The following PCM1 variants were observed in gnomAD, a reference collection of about 807,000 sequenced individuals.
PCM1 encodes pericentriolar material 1, also known as pericentriolar material 1 protein.
Under a neutral mutation model 241.9 loss-of-function variants are expected in PCM1, and 157 were observed. The ratio of observed to expected loss-of-function variants is 0.65; its 90% CI spans 0.57 to 0.74. The LOEUF (loss-of-function observed/expected upper bound fraction) is 0.74, where lower values mean the gene tolerates loss of function less well. Ranked by LOEUF, PCM1 falls within the 30% of genes least tolerant of loss-of-function variation. PCM1 has a pLI of 0.00. For missense variants in PCM1, 3,478 were observed against 2,360.1 expected (o/e 1.47, Z -9.81); for synonymous variants, 1,085 against 784.9 (o/e 1.38, Z -6.39).
At position 18,014,681 on chromosome 8, in the gene PCM1, T is replaced by C; in HGVS notation, c.5682T>C (p.Thr1894=). 6.2e-7 allele frequency: 1 copy of C among 1,613,886 alleles called. No individual in the cohort carries two copies. The highest frequency in any genetic ancestry group is 8.5e-7 in the Non-Finnish European group (1 of 1,179,862). The change falls in exon 36 of 39, where the codon ACT becomes ACC. Residue 1894 remains threonine (T), a synonymous_variant. Transcript: ENST00000325083. ...CTGCCCATAAGGAGTCACCTCCTAC[T>C]GTTGATTCAACTCAACAGCCTAACC... ...NSAAHKESPP[T]VDSTQQPNPL...
intron 6 of PCM1, chr8:17,940,292 GCTGTATGTGTTCTT>G: frequency 1.8e-6 from 1 of 556,574 alleles, no homozygotes; most frequent in South Asian, 2.5e-5. Flanking sequence ...AATTGTTAAT[GCTGTATGTGTTCTT>G]CTGTATTTAA....
intron 23 of PCM1, among the ~76,000 whole-genome samples, chr8:17,973,598 A>G (rs2077601366): frequency 6.6e-6 from 1 of 151,952 alleles, no homozygotes; most frequent in African/African-American, 2.4e-5. Context: ...CGTGCCTGTA[A>G]TCCAGCTACT....
chr8:17,936,011 G>C (rs796526728), intron 3 of PCM1, among the ~76,000 whole-genome samples: 1 of 152,106 alleles, frequency 6.6e-6, no homozygotes, highest in Non-Finnish European at 1.5e-5. Context: ...CAAGAATTAC[G>C]TTTTCACCAC....
chr8:18,015,171 A>C (rs891311836), intron 36 of PCM1, among the ~76,000 whole-genome samples: 1 of 152,116 alleles, frequency 6.6e-6, no homozygotes, highest in African/African-American at 2.4e-5. Flanking sequence ...ATATATTGCA[A>C]ATTTTCAATA....
Position 18,006,400 on chromosome 8 carries a change from A to G in PCM1, c.4962+3A>G, listed in dbSNP as rs770866474. ...AACAACTTGGAAGTATATTACAGGT[A>G]AGAGTTTATACTTGTATGATTTACC... On this transcript the variant is annotated splice_donor_region_variant and intron_variant, in intron 30 of 38. Transcript: ENST00000325083. 100 of 1,598,180 alleles carry G rather than the reference A, an allele frequency of 6.3e-5. 1 individual carries two copies. Among genetic ancestry groups the G allele is most frequent in the South Asian group, 1.4e-4 (13 of 90,698 alleles).
chr8:18,027,728 A>G lies in PCM1; in HGVS notation c.*66A>G, dbSNP rs1300128285. 1.8e-6 allele frequency: 2 copies of G among 1,134,886 alleles called. No individual in the cohort carries two copies. Among genetic ancestry groups the G allele is most frequent in the African/African-American group, 1.5e-5 (1 of 65,640 alleles). 70.3% of individuals were successfully genotyped at this position (1,134,886 alleles called of 1,614,324 possible). On this transcript the variant is annotated 3_prime_UTR_variant, in exon 39 of 39. Transcript: ENST00000325083. ...CAATGCATATATGAAAACAATACTA[A>G]ATAAACATCTGATCTGTATAAAAAT...
intron 2 of PCM1, chr8:17,926,976 G>C (rs1487453548): frequency 6.6e-6 from 1 of 152,174 alleles, no homozygotes; most frequent in Non-Finnish European, 1.5e-5. Context: ...TTTAGTTCAT[G>C]CAAGCAGGGA....
At chr8:18,027,616 C>T in intron 38 of PCM1, 21 bp from the exon 39 acceptor site, 2 of 1,548,846 alleles carry the variant, frequency 1.3e-6, no homozygotes, top group South Asian at 1.2e-5. Flanking sequence ...ATTTATAAAG[C>T]ATTTTTATTC....
At chr8:17,958,071 G>C (rs2069527870) in intron 13 of PCM1, among the ~76,000 whole-genome samples, 1 of 152,078 alleles carries the variant, frequency 6.6e-6, no homozygotes, top group Non-Finnish European at 1.5e-5. Flanking sequence ...TGCCAATATA[G>C]CTTTATTTTA....
chr8:18,018,875 T>TATATATATATAC (rs1564427921), intron 36 of PCM1, among the ~76,000 whole-genome samples: 2 of 48,480 alleles, frequency 4.1e-5, no homozygotes, highest in Non-Finnish European at 1.1e-4. Context: ...TATATATATA[T>TATATATATATAC]ATATACACAC....
At chr8:18,010,220 A>T (rs1426279349) in intron 31 of PCM1, among the ~76,000 whole-genome samples, 2 of 152,108 alleles carry the variant, frequency 1.3e-5, no homozygotes, top group African/African-American at 4.8e-5. Flanking sequence ...CACAGGTGAG[A>T]TTGGATGACT....
At chr8:18,022,380 G>T (rs1450256897) in intron 36 of PCM1, among the ~76,000 whole-genome samples, 1 of 152,128 alleles carries the variant, frequency 6.6e-6, no homozygotes, top group East Asian at 1.9e-4. Flanking sequence ...ATCCTCTAAG[G>T]TCTGATGTTC....
At position 17,957,800 on chromosome 8, in the gene PCM1, A is replaced by C. The variant is rs747608386; in HGVS notation, c.2040+25A>C. On this transcript the variant is annotated intron_variant, in intron 13 of 38. Transcript: ENST00000325083. Reference sequence around the variant, plus strand: ...GGTAAATATTGCTTGGTCTTTTAAAAACCTATTTGTCAAATAGTACAGTCT... The same window carrying C: ...GGTAAATATTGCTTGGTCTTTTAAACACCTATTTGTCAAATAGTACAGTCT... 6.0e-6 allele frequency: 9 copies of C among 1,502,240 alleles called. No homozygotes were observed. The African/African-American group carries it at 1.2e-4, about 21-fold the overall frequency. The allele number at this position is 1,502,240 out of a possible 1,614,324, so 93.1% of individuals were successfully genotyped here.
At position 17,964,420 on chromosome 8, in the gene PCM1, C is replaced by A. The variant is rs574687920; in HGVS notation, c.2655-148C>A. The stretch of plus-strand genomic sequence containing the variant: ...GTATATAACAGCAATAGGGAGAGTG[C>A]CACCCGTAGCATAGTTATTGTGATT... On this transcript the variant is annotated intron_variant, in intron 17 of 38. Coordinates refer to ENST00000325083, the MANE Select transcript of PCM1 (RefSeq NM_006197.4). 46 of 578,350 alleles carry A rather than the reference C, an allele frequency of 8.0e-5. 2 individuals carry two copies. The South Asian group carries it at 8.2e-4, about 10-fold the overall frequency. 35.8% of individuals were successfully genotyped at this position (578,350 alleles called of 1,614,324 possible). A position where few individuals can be genotyped will look rare whatever the true frequency, so the allele number is the denominator to read the frequency against.
intron 17 of PCM1, 106 bp from the exon 18 acceptor site, chr8:17,964,462 A>G (rs2074013721): frequency 1.3e-6 from 1 of 758,818 alleles, no homozygotes; most frequent in Non-Finnish European, 2.1e-6. Flanking sequence ...AATTTTATAT[A>G]CAGACATGTA....
chr8:17,982,624 A>T (rs1359128501), intron 24 of PCM1: 1 of 152,180 alleles, frequency 6.6e-6, no homozygotes, highest in African/African-American at 2.4e-5. Context: ...CCCACTGAGT[A>T]GCTGGGACTA....
intron 22 of PCM1, among the ~76,000 whole-genome samples, chr8:17,969,992 G>A (rs1213396424): frequency 6.6e-6 from 1 of 152,090 alleles, no homozygotes; most frequent in African/African-American, 2.4e-5. Context: ...TCTCTAATTT[G>A]ATACCTGTCT....
chr8:17,953,422 A>AT (rs1413299018), intron 9 of PCM1, among the ~76,000 whole-genome samples: 5 of 152,194 alleles, frequency 3.3e-5, no homozygotes, highest in Non-Finnish European at 2.9e-5. Flanking sequence ...ACCTTGAAAA[A>AT]TTAGTAGGAT....
At chr8:17,971,131 T>G (rs2076715472) in intron 22 of PCM1, among the ~76,000 whole-genome samples, 1 of 152,240 alleles carries the variant, frequency 6.6e-6, no homozygotes, top group Non-Finnish European at 1.5e-5. Context: ...TCATATAATT[T>G]TCATTTGTCA....
Sources: allele counts gnomAD v4.1 joint callset (sites outside exome capture counted in the v4.1 genomes callset), GRCh38; gene constraint gnomAD v4.1.1; transcripts MANE v1.5; gene names NCBI Gene and HGNC (gene_info 2026-07-23, HGNC 2026-07-21).